The following RAP1GAP2 variants were observed in gnomAD, a reference collection of about 807,000 sequenced individuals.
RAP1GAP2 encodes RAP1 GTPase activating protein 2.
A neutral mutation model predicts 95.0 loss-of-function variants in RAP1GAP2; 27 were observed. That is an observed-to-expected ratio of 0.28 (90% CI 0.21 to 0.39). RAP1GAP2 has a LOEUF of 0.39. RAP1GAP2 is among the 10% of genes least tolerant of loss of function. RAP1GAP2 has a pLI of 1.00. For missense variants in RAP1GAP2, 771 were observed against 970.0 expected, an observed-to-expected ratio of 0.79 and a Z score of 2.72; for synonymous variants, 373 against 380.9, an observed-to-expected ratio of 0.98 and a Z score of 0.24.
At chr17:2,853,597 C>T (rs1272775011) in intron 2 of RAP1GAP2, among the ~76,000 whole-genome samples, 2 of 149,786 alleles carry the variant, frequency 1.3e-5, no homozygotes, top group African/African-American at 4.9e-5. Flanking sequence ...TCCTCCTGCG[C>T]TTCGCCCGCT....
upstream of RAP1GAP2, among the ~76,000 whole-genome samples, chr17:2,776,761 C>A (rs2068510237): frequency 1.3e-5 from 2 of 149,610 alleles, no homozygotes; most frequent in Admixed American, 6.6e-5. Flanking sequence ...CGGCTTTGTG[C>A]GCTGGGGCCG....
rs2046841221 is a variant in RAP1GAP2, at chr17:3,018,211, AG to A, written c.1632+15del. The A allele has an allele frequency of 6.4e-7, 1 of 1,553,506 alleles. No homozygotes were observed. On this transcript the variant is annotated intron_variant, in intron 18 of 24. Transcript: ENST00000254695. The stretch of plus-strand genomic sequence containing the variant: ...GACCACCTTCTCGGTGAGTGCTGGC[AG>A]GCCCCGGGGCGGCAAGTGGGTCCCA...
intron 2 of RAP1GAP2, among the ~76,000 whole-genome samples, chr17:2,883,438 C>T (rs557386622): frequency 2.0e-5 from 3 of 152,318 alleles, no homozygotes; most frequent in East Asian, 3.9e-4. Context: ...CTCTCGGCAC[C>T]TTCCCCAGCC....
chr17:2,820,490 G>A (rs1282732389), intron 2 of RAP1GAP2, among the ~76,000 whole-genome samples: 1 of 151,868 alleles, frequency 6.6e-6, no homozygotes, highest in Non-Finnish European at 1.5e-5. Context: ...GTGTGGTGGC[G>A]GGTGCCTGTA....
intron 3 of RAP1GAP2, among the ~76,000 whole-genome samples, chr17:2,935,233 C>T (rs554081526): frequency 5.3e-5 from 8 of 152,200 alleles, no homozygotes; most frequent in South Asian, 2.1e-4. Flanking sequence ...TCAGGCCAGG[C>T]GCAGTGGCTC....
intron 8 of RAP1GAP2, among the ~76,000 whole-genome samples, chr17:2,976,016 A>G (rs913086903): frequency 1.3e-5 from 2 of 152,246 alleles, no homozygotes; most frequent in African/African-American, 4.8e-5. Flanking sequence ...TTCCGTGAAC[A>G]CGCTCTGTTC....
chr17:2,765,479 C>T (rs1324530407), intron 1 of RAP1GAP2, among the ~76,000 whole-genome samples: 1 of 152,106 alleles, frequency 6.6e-6, no homozygotes. Context: ...GTGGCTCACG[C>T]CTGTAATCCC....
At chr17:2,830,382 A>G (rs1245990784) in intron 2 of RAP1GAP2, among the ~76,000 whole-genome samples, 1 of 149,992 alleles carries the variant, frequency 6.7e-6, no homozygotes. Flanking sequence ...GTGCCATTGC[A>G]CTCCAGTCTG....
chr17:3,001,855 T>G (rs1027039671), intron 14 of RAP1GAP2, among the ~76,000 whole-genome samples: 1 of 152,182 alleles, frequency 6.6e-6, no homozygotes, highest in Non-Finnish European at 1.5e-5. Flanking sequence ...CTTCTCCACT[T>G]TCCCGAGACC....
At chr17:2,985,403 T>C (rs1357461886) in intron 11 of RAP1GAP2, among the ~76,000 whole-genome samples, 1 of 152,184 alleles carries the variant, frequency 6.6e-6, no homozygotes, top group Non-Finnish European at 1.5e-5. Flanking sequence ...CATAGGCTGC[T>C]CTCTCCTTGC....
chr17:2,966,872 T>C (rs925173047), intron 8 of RAP1GAP2, among the ~76,000 whole-genome samples: 2 of 152,174 alleles, frequency 1.3e-5, no homozygotes, highest in South Asian at 2.1e-4. Context: ...GACAATGGAA[T>C]ACAAAGATCT....
chr17:3,026,501 G>A (rs1390501821), intron 21 of RAP1GAP2, 37 bp downstream of exon 21: 3 of 1,470,192 alleles, frequency 2.0e-6, no homozygotes, highest in Non-Finnish European at 2.8e-6. Context: ...CAGGCACTCT[G>A]GGGCGTCAGC....
At chr17:2,999,685 G>A (rs543339965) in intron 14 of RAP1GAP2, among the ~76,000 whole-genome samples, 2 of 152,126 alleles carry the variant, frequency 1.3e-5, no homozygotes, top group South Asian at 2.1e-4. Context: ...GGTGGCGTAC[G>A]CCTGTAATTC....
chr17:2,842,534 A>G (rs890239707), intron 2 of RAP1GAP2, among the ~76,000 whole-genome samples: 1 of 69,668 alleles, frequency 1.4e-5, no homozygotes, highest in African/African-American at 1.1e-4. Context: ...CGTCTCAAAA[A>G]AAAAAAAAAA....
intron 1 of RAP1GAP2, among the ~76,000 whole-genome samples, chr17:2,769,150 T>G (rs2068335502): frequency 6.7e-6 from 1 of 148,522 alleles, no homozygotes; most frequent in African/African-American, 2.5e-5. Context: ...GAGGATTGCT[T>G]GAGTCCACAG....
intron 4 of RAP1GAP2, among the ~76,000 whole-genome samples, chr17:2,961,981 C>T (rs2044353897): frequency 1.3e-5 from 2 of 150,426 alleles, no homozygotes; most frequent in Admixed American, 6.7e-5. Flanking sequence ...CGGCTCACTG[C>T]AACCTCTGCC....
chr17:2,832,555 C>A (rs1407740906), intron 2 of RAP1GAP2, among the ~76,000 whole-genome samples: 2 of 106,662 alleles, frequency 1.9e-5, no homozygotes, highest in Non-Finnish European at 3.9e-5. Flanking sequence ...GAGACTCCAT[C>A]TCAAAAAAAA....
chr17:2,776,452 C>G (rs534511608), upstream of RAP1GAP2, among the ~76,000 whole-genome samples: 47 of 152,302 alleles, frequency 3.1e-4, no homozygotes, highest in African/African-American at 1.0e-3. Context: ...GTGCACCTGC[C>G]CCGCCCCGCG....
At chr17:2,840,635 C>T (rs1357197631) in intron 2 of RAP1GAP2, among the ~76,000 whole-genome samples, 1 of 152,140 alleles carries the variant, frequency 6.6e-6, no homozygotes, top group Non-Finnish European at 1.5e-5. Context: ...AGGCATGAGC[C>T]ATCATGCCTG....
Sources: allele counts gnomAD v4.1 joint callset (sites outside exome capture counted in the v4.1 genomes callset), GRCh38; gene constraint gnomAD v4.1.1; transcripts MANE v1.5; gene names NCBI Gene and HGNC (gene_info 2026-07-23, HGNC 2026-07-21).